Variants in CSMD1 observed in about 807,000 individuals in gnomAD.
CSMD1 encodes the protein CUB and sushi domain-containing protein 1.
In CSMD1, 213 loss-of-function variants were observed where a neutral mutation model predicts 417.5. The ratio of observed to expected loss-of-function variants is 0.51; its 90% confidence interval spans 0.46 to 0.57. The LOEUF (loss-of-function observed/expected upper bound fraction) is 0.57. Ranked by LOEUF, CSMD1 falls within the 20% of genes least tolerant of loss-of-function variation. The pLI is 0.00. For synonymous variants in CSMD1, 2,862 were observed against 1,736.8 expected (o/e 1.65, Z -16.11); for missense variants, 6,923 against 4,529.7 (o/e 1.53, Z -15.17).
intron 50 of CSMD1, among the ~76,000 whole-genome samples, chr8:3,044,465 T>C (rs796331962): frequency 1.3e-5 from 2 of 152,328 alleles, no homozygotes; most frequent in African/African-American, 4.8e-5. Flanking sequence ...GCTAGCTTAA[T>C]GGTTTTGTTT....
intron 5 of CSMD1, among the ~76,000 whole-genome samples, chr8:3,978,289 C>A (rs185176936): frequency 4.6e-4 from 70 of 152,272 alleles, no homozygotes; most frequent in Non-Finnish European, 7.2e-4. Flanking sequence ...CCCCTGTAAC[C>A]ACACAAACCC....
chr8:4,751,774 G>C (rs564227950), intron 1 of CSMD1, among the ~76,000 whole-genome samples: 4 of 152,238 alleles, frequency 2.6e-5, no homozygotes, highest in South Asian at 2.1e-4. Context: ...GAGGACCTCT[G>C]CGTTTGCATT....
At position 4,676,594 on chromosome 8, in the gene CSMD1, C is replaced by A. The variant is rs536946213; in HGVS notation, c.86-39036G>T. On this transcript the variant is annotated intron_variant, in intron 1 of 69. Coordinates refer to ENST00000635120, the MANE Select transcript of CSMD1 (RefSeq NM_033225.6). The stretch of plus-strand genomic sequence containing the variant: ...TACCAGCTACCACGGCACCCTTTAA[C>A]GGACTTCTTATCTCCATTCTCCTTT... Among the ~76,000 whole-genome samples, 147 of 152,162 alleles carry A rather than the reference C, an allele frequency of 9.7e-4. 2 individuals carry two copies. The highest frequency in any genetic ancestry group is 9.2e-3 in the Admixed American group (141 of 15,268).
chr8:3,283,461 G>C (rs1277512439), intron 26 of CSMD1, among the ~76,000 whole-genome samples: 1 of 151,770 alleles, frequency 6.6e-6, no homozygotes, highest in Non-Finnish European at 1.5e-5. Context: ...ATGTAACTAA[G>C]TAGGTCCATT....
intron 3 of CSMD1, among the ~76,000 whole-genome samples, chr8:4,127,452 TGAAAAAA>T (rs1563158383): frequency 3.2e-5 from 1 of 31,498 alleles, no homozygotes; most frequent in East Asian, 1.1e-3. Context: ...CAAGCATTAA[TGAAAAAA>T]AAAAAAAAAA....
At chr8:4,719,535 AT>A (rs1381111178) in intron 1 of CSMD1, among the ~76,000 whole-genome samples, 12 of 151,932 alleles carry the variant, frequency 7.9e-5, no homozygotes, top group African/African-American at 2.9e-4. Flanking sequence ...CAAAAAAAAA[AT>A]CTTCACAACA....
At chr8:4,803,031 C>T (rs1272824289) in intron 1 of CSMD1, among the ~76,000 whole-genome samples, 1 of 152,038 alleles carries the variant, frequency 6.6e-6, no homozygotes, top group Non-Finnish European at 1.5e-5. Flanking sequence ...TGGTTTTCTC[C>T]GGTGCCATTT....
At chr8:4,558,817 G>C (rs1359645353) in intron 2 of CSMD1, among the ~76,000 whole-genome samples, 1 of 152,204 alleles carries the variant, frequency 6.6e-6, no homozygotes, top group Non-Finnish European at 1.5e-5. Context: ...GCAGTGAATG[G>C]AGATCGTGCC....
intron 5 of CSMD1, among the ~76,000 whole-genome samples, chr8:3,777,389 T>C (rs915526928): frequency 3.3e-5 from 5 of 152,084 alleles, no homozygotes; most frequent in African/African-American, 9.7e-5. Flanking sequence ...GATACTTGCA[T>C]GGCCCCCTCC....
intron 2 of CSMD1, among the ~76,000 whole-genome samples, chr8:4,549,665 G>T (rs913815171): frequency 6.6e-6 from 1 of 151,876 alleles, no homozygotes; most frequent in Non-Finnish European, 1.5e-5. Context: ...GAGGCAGGAA[G>T]ATCACTTGAG....
chr8:4,408,885 T>C (rs754515543), intron 3 of CSMD1, among the ~76,000 whole-genome samples: 1 of 152,190 alleles, frequency 6.6e-6, no homozygotes, highest in Non-Finnish European at 1.5e-5. Flanking sequence ...CAGATCCTTG[T>C]TTGATAGTAA....
chr8:4,596,992 G>A (rs948453865), intron 2 of CSMD1, among the ~76,000 whole-genome samples: 1 of 152,028 alleles, frequency 6.6e-6, no homozygotes, highest in Admixed American at 6.6e-5. Context: ...CTTTCCTCCC[G>A]CCATGATTCT....
At chr8:4,727,419 G>C (rs955600860) in intron 1 of CSMD1, among the ~76,000 whole-genome samples, 3 of 152,130 alleles carry the variant, frequency 2.0e-5, no homozygotes, top group African/African-American at 4.8e-5. Flanking sequence ...CTACCCATAA[G>C]TCAGTCCCTG....
intron 26 of CSMD1, among the ~76,000 whole-genome samples, chr8:3,274,492 T>C (rs192981986): frequency 3.9e-5 from 6 of 152,184 alleles, no homozygotes; most frequent in Admixed American, 2.6e-4. Context: ...TTGTTGACTT[T>C]CTGTCTTGTT....
chr8:3,298,958 G>C (rs555265360), intron 25 of CSMD1, among the ~76,000 whole-genome samples: 34 of 152,268 alleles, frequency 2.2e-4, no homozygotes, highest in African/African-American at 7.5e-4. Context: ...ATATGCTAAT[G>C]AGAAGCTTAC....
chr8:4,312,397 A>ATACCTGTATATACGTACG (rs1798667033), intron 3 of CSMD1, among the ~76,000 whole-genome samples: 1 of 97,936 alleles, frequency 1.0e-5, no homozygotes, highest in African/African-American at 1.0e-4. Context: ...ATATATACAT[A>ATACCTGTATATACGTACG]CATATATATG....
At chr8:3,005,988 G>A (rs977667985) in intron 52 of CSMD1, among the ~76,000 whole-genome samples, 1 of 152,154 alleles carries the variant, frequency 6.6e-6, no homozygotes, top group African/African-American at 2.4e-5. Flanking sequence ...AATTGCCCCT[G>A]TTGGCAGACG....
chr8:3,795,049 TGTATAGCTATAG>T, intron 5 of CSMD1, among the ~76,000 whole-genome samples: 1 of 151,254 alleles, frequency 6.6e-6, no homozygotes, highest in African/African-American at 2.4e-5. Flanking sequence ...ATATCTATCA[TGTATAGCTATAG>T]ATATATATCT....
chr8:4,302,261 C>A (rs1209057266), intron 3 of CSMD1, among the ~76,000 whole-genome samples: 1 of 152,124 alleles, frequency 6.6e-6, no homozygotes, highest in Non-Finnish European at 1.5e-5. Flanking sequence ...AGGTGATGGT[C>A]TGGGAAAATA....
Sources: gnomAD v4.1 joint callset for allele counts (sites outside exome capture counted in the v4.1 genomes callset) on GRCh38, gnomAD v4.1.1 for gene constraint, MANE v1.5 for transcripts, NCBI Gene and HGNC (gene_info 2026-07-23, HGNC 2026-07-21) for gene names.